The following SBNO2 variants were observed in gnomAD, a reference collection of about 807,000 sequenced individuals.
The protein encoded by SBNO2 is protein strawberry notch homolog 2.
A neutral mutation model predicts 146.3 loss-of-function variants in SBNO2; 89 were observed. The ratio of observed to expected loss-of-function variants is 0.61; its 90% CI spans 0.51 to 0.73. The LOEUF is 0.73. SBNO2 is among the 30% of genes least tolerant of loss of function. The probability of loss-of-function intolerance (pLI) is 0.00; values close to 1 mark genes in which losing one functional copy is unlikely to be tolerated. For synonymous variants in SBNO2, 1,147 were observed against 892.6 expected (o/e 1.29, Z -5.08); for missense variants, 2,092 against 2,003.7 (o/e 1.04, Z -0.84).
At chr19:1,148,446 G>T (rs1008635366) in intron 3 of SBNO2, among the ~76,000 whole-genome samples, 2 of 150,046 alleles carry the variant, frequency 1.3e-5, no homozygotes, top group African/African-American at 2.5e-5. Flanking sequence ...CCCAGCTGCT[G>T]CCCTCTGTGG....
rs902821728 is a variant in SBNO2 at position 1,173,977 on chromosome 19, T to A, written c.-127+195A>T. Among the ~76,000 whole-genome samples, 5 of 146,176 alleles carry A rather than the reference T, an allele frequency of 3.4e-5. No individual in the cohort carries two copies. The highest frequency in any genetic ancestry group is 2.0e-4 in the East Asian group (1 of 4,882). ...GTCGCGGGGCAGCGCGGGGTCAACGTTGGCGGCGAAGGGCGGGGTCGGAAG... is the reference window on the plus strand; with the variant it reads ...GTCGCGGGGCAGCGCGGGGTCAACGATGGCGGCGAAGGGCGGGGTCGGAAG... On this transcript the variant is annotated intron_variant, in intron 1 of 31. Coordinates refer to ENST00000361757, the MANE Select transcript of SBNO2 (RefSeq NM_014963.3). This position sits in a 1 kb window ranked among gnomAD's most constrained non-coding sequence, Gnocchi z 4.7.
At chr19:1,152,136 C>A (rs919284164) in intron 2 of SBNO2, among the ~76,000 whole-genome samples, 1 of 152,204 alleles carries the variant, frequency 6.6e-6, no homozygotes, top group Admixed American at 6.5e-5. Context: ...AAGCCGGTTA[C>A]GCGCACGGGT....
rs182606413 is a variant in SBNO2 at position 1,153,111 on chromosome 19, C to T, written c.93+1073G>A. ...GAGGCTGCAGTGAGCCGAGATCGCA[C>T]CACTGCACTTCCAGCCTGGGCAACA... On this transcript the variant is annotated intron_variant, in intron 2 of 31. Coordinates refer to ENST00000361757, the MANE Select transcript of SBNO2 (RefSeq NM_014963.3). 1.3e-4 allele frequency among the ~76,000 whole-genome samples: 19 copies of T among 151,520 alleles called. No individual in the cohort carries two copies. The East Asian group carries it at 2.7e-3, about 22-fold the overall frequency.
At chr19:1,132,549 G>C (rs911895268) in intron 4 of SBNO2, among the ~76,000 whole-genome samples, 6 of 152,206 alleles carry the variant, frequency 3.9e-5, no homozygotes, top group Non-Finnish European at 8.8e-5. Context: ...GTTCCACGGG[G>C]ACCAGCTGCT....
chr19:1,171,859 G>A (rs1186613574), intron 1 of SBNO2, among the ~76,000 whole-genome samples: 3 of 152,172 alleles, frequency 2.0e-5, no homozygotes, highest in South Asian at 4.1e-4. Flanking sequence ...CGCGGCTGGA[G>A]AACATGCACC....
chr19:1,135,167 G>A (rs376815514), intron 4 of SBNO2, among the ~76,000 whole-genome samples: 3 of 151,438 alleles, frequency 2.0e-5, no homozygotes, highest in African/African-American at 7.3e-5. Flanking sequence ...TTCAAGACCA[G>A]CCTGGGCAAC....
rs111879223 is a variant in SBNO2 at position 1,153,839 on chromosome 19, A to G, written c.93+345T>C. On this transcript the variant is annotated intron_variant, in intron 2 of 31. Transcript: ENST00000361757. ...AAGCACGAGCCACTTGGCCAGAAAC[A>G]TATTTTTTAAGTAATTCCCTCACTG... Among the ~76,000 whole-genome samples the G allele has an allele frequency of 1.3e-3, 199 of 152,300 alleles. 1 individual carries two copies. The Middle Eastern group carries it at 0.017, about 13-fold the overall frequency.
At chr19:1,117,958 C>T (rs886717693) in intron 14 of SBNO2, among the ~76,000 whole-genome samples, 4 of 152,196 alleles carry the variant, frequency 2.6e-5, no homozygotes, top group South Asian at 2.1e-4. Context: ...CTGCTCCATA[C>T]CCCAAAGTGC....
At chr19:1,168,560 A>C (rs1237162157) in intron 1 of SBNO2, 1 of 152,224 alleles carries the variant, frequency 6.6e-6, no homozygotes, top group Non-Finnish European at 1.5e-5. Flanking sequence ...GTCCCCACGA[A>C]GCCTGGCCCT....
Position 1,154,226 on chromosome 19 carries a change from G to A in SBNO2, c.51C>T (p.Pro17=). 7.9e-7 allele frequency: 1 copy of A among 1,265,258 alleles called. No homozygotes were observed. The highest frequency in any genetic ancestry group is 1.0e-6 in the Non-Finnish European group (1 of 1,004,782). 78.4% of individuals were successfully genotyped at this position (1,265,258 alleles called of 1,614,324 possible). A position where few individuals can be genotyped will look rare whatever the true frequency, so the allele number is the denominator to read the frequency against. The change falls in exon 2 of 32, where the codon CCC becomes CCT. Residue 17 remains proline (P), a synonymous_variant. Transcript: ENST00000361757. The part of the protein sequence containing the change: ...AMDRDYPQHE[P]PPAGSLLYSP... ...TGTACAGGAGGCTGCCCGCCGGCGG[G>A]GGTTCATGCTGCGGGTAATCCCTGT... is the stretch of plus-strand genomic sequence containing the variant.
rs2080302201 is a variant in SBNO2 at position 1,157,436 on chromosome 19, C to T, written c.-126-3034G>A. Among the ~76,000 whole-genome samples the T allele has an allele frequency of 6.6e-6, 1 of 152,134 alleles. No homozygotes were observed. The highest frequency in any genetic ancestry group is 6.5e-5 in the Admixed American group (1 of 15,280). ...CCCGGAGACCCTCTCCCCACGCGGC[C>T]CCGGTGACACGGCCCACCCCGAGCC... is the stretch of plus-strand genomic sequence containing the variant. On this transcript the variant is annotated intron_variant, in intron 1 of 31. Transcript: ENST00000361757. The surrounding 1 kb of genome is among the most constrained non-coding windows in gnomAD (Gnocchi z 6.8).
chr19:1,156,398 C>T (rs1219086416), intron 1 of SBNO2, among the ~76,000 whole-genome samples: 1 of 152,122 alleles, frequency 6.6e-6, no homozygotes, highest in African/African-American at 2.4e-5. Flanking sequence ...ACACCAGGCA[C>T]AACCAACCAA....
intron 14 of SBNO2, among the ~76,000 whole-genome samples, chr19:1,118,196 G>A (rs191388847): frequency 1.2e-4 from 19 of 152,246 alleles, no homozygotes; most frequent in African/African-American, 3.1e-4. Flanking sequence ...AAAATTGGCC[G>A]GGCTGGTGGC....
In SBNO2 at chr19:1,113,491, CCCATGCCCCGCCCACCACACTCCAGCTG is replaced by C; in HGVS notation, c.2247+16_2247+43del. Reference sequence around the variant, plus strand: ...AGCCTGCGTGAAGCCCCACCCACTGCCCATGCCCCGCCCACCACACTCCAGCTGCCACGTCCCACCCACCTCCGCCACC... The same window carrying C: ...AGCCTGCGTGAAGCCCCACCCACTGCCCACGTCCCACCCACCTCCGCCACC... On this transcript the variant is annotated intron_variant, in intron 19 of 31. Transcript: ENST00000361757. The C allele has an allele frequency of 2.0e-6, 3 of 1,512,832 alleles. No homozygotes were observed. The highest frequency in any genetic ancestry group is 1.8e-6 in the Non-Finnish European group (2 of 1,116,148). The allele number at this position is 1,512,832 out of a possible 1,614,324, so 93.7% of individuals were successfully genotyped here. A position where few individuals can be genotyped will look rare whatever the true frequency, so the allele number is the denominator to read the frequency against.
intron 2 of SBNO2, among the ~76,000 whole-genome samples, chr19:1,153,630 T>TA (rs951334671): frequency 2.7e-5 from 4 of 149,016 alleles, no homozygotes; most frequent in African/African-American, 9.9e-5. Context: ...CTCTGCCTCC[T>TA]AGATTTAAGC....
At chr19:1,160,242 C>T (rs545407189) in intron 1 of SBNO2, among the ~76,000 whole-genome samples, 2 of 152,226 alleles carry the variant, frequency 1.3e-5, no homozygotes, top group Non-Finnish European at 2.9e-5. Flanking sequence ...CCCTGCAGCC[C>T]GGCTGGGGCC....
At chr19:1,119,230 G>A (rs757935741) in intron 13 of SBNO2, 66 bp from the exon 14 acceptor site, 39 of 1,524,620 alleles carry the variant, frequency 2.6e-5, no homozygotes, top group Admixed American at 7.6e-5. Context: ...CTCGGAGCGC[G>A]AGGCAGAGCC....
intron 11 of SBNO2, among the ~76,000 whole-genome samples, chr19:1,120,814 G>A (rs2079892416): frequency 6.6e-6 from 1 of 152,120 alleles, no homozygotes; most frequent in Non-Finnish European, 1.5e-5. Flanking sequence ...GATTACAAGT[G>A]TGCGCCACCA....
At chr19:1,125,620 C>A (rs1409923785) in intron 5 of SBNO2, among the ~76,000 whole-genome samples, 4 of 151,848 alleles carry the variant, frequency 2.6e-5, no homozygotes, top group African/African-American at 9.7e-5. Context: ...GTGCAGTGAG[C>A]TGAGATCGCA....
Sources: gnomAD v4.1 joint callset for allele counts (sites outside exome capture counted in the v4.1 genomes callset) on GRCh38, gnomAD v4.1.1 for gene constraint, Gnocchi (gnomAD v3.1) non-coding constraint, MANE v1.5 for transcripts, NCBI Gene and HGNC (gene_info 2026-07-23, HGNC 2026-07-21) for gene names.